PKN2: variants seen among roughly 807,000 people sequenced by gnomAD.
The protein encoded by PKN2 is serine/threonine-protein kinase N2.
A neutral mutation model predicts 119.1 loss-of-function variants in PKN2; 38 were observed. The observed-to-expected ratio is 0.32, with a 90% CI of 0.25 to 0.42. The LOEUF (loss-of-function observed/expected upper bound fraction) is 0.42. PKN2 is among the 10% of genes least tolerant of loss of function. The pLI is 1.00. For synonymous variants in PKN2, 390 were observed against 384.9 expected (o/e 1.01, Z -0.15); for missense variants, 850 against 1,165.1 (o/e 0.73, Z 3.94).
At chr1:88,819,303 T>C (rs1273385278) in intron 16 of PKN2, among the ~76,000 whole-genome samples, 4 of 151,950 alleles carry the variant, frequency 2.6e-5, no homozygotes, top group African/African-American at 7.3e-5. Context: ...ATCCAGAATC[T>C]ACAAGGAACT....
intron 1 of PKN2, among the ~76,000 whole-genome samples, chr1:88,728,497 C>T (rs1667991000): frequency 6.6e-6 from 1 of 152,106 alleles, no homozygotes; most frequent in South Asian, 2.1e-4. Flanking sequence ...TAGACATACA[C>T]TCCTGAGTGT....
At chr1:88,767,768 C>T (rs1669723298) in intron 3 of PKN2, among the ~76,000 whole-genome samples, 1 of 152,092 alleles carries the variant, frequency 6.6e-6, no homozygotes. Flanking sequence ...CATAAATATG[C>T]AATTATTTTT....
chr1:88,692,044 ATAGTT>A (rs1402050640), intron 1 of PKN2, among the ~76,000 whole-genome samples: 1 of 152,106 alleles, frequency 6.6e-6, no homozygotes, highest in Non-Finnish European at 1.5e-5. Flanking sequence ...ACTACTGTGT[ATAGTT>A]TAGTTGGACA....
At chr1:88,761,015 G>A (rs745329570) in intron 3 of PKN2, among the ~76,000 whole-genome samples, 37 of 152,264 alleles carry the variant, frequency 2.4e-4, no homozygotes, top group Non-Finnish European at 4.9e-4. Flanking sequence ...CCAATGAAAA[G>A]ATGGGACATT....
At chr1:88,714,411 T>C (rs1667364499) in intron 1 of PKN2, among the ~76,000 whole-genome samples, 2 of 152,228 alleles carry the variant, frequency 1.3e-5, no homozygotes, top group Non-Finnish European at 2.9e-5. Flanking sequence ...TTCCTATCCA[T>C]GAGCATGGAA....
At chr1:88,792,272 C>T (rs905518190) in intron 8 of PKN2, among the ~76,000 whole-genome samples, 4 of 152,082 alleles carry the variant, frequency 2.6e-5, no homozygotes, top group East Asian at 3.9e-4. Flanking sequence ...GACATAGTGG[C>T]GCATGCCTGT....
At chr1:88,737,523 C>A (rs1370919272) in intron 1 of PKN2, among the ~76,000 whole-genome samples, 2 of 152,156 alleles carry the variant, frequency 1.3e-5, no homozygotes, top group Admixed American at 1.3e-4. Flanking sequence ...CCCAGTCCTG[C>A]CACCAGGACT....
chr1:88,788,690 C>T (rs1380056443), intron 8 of PKN2, among the ~76,000 whole-genome samples: 2 of 152,102 alleles, frequency 1.3e-5, no homozygotes, highest in African/African-American at 2.4e-5. Context: ...GGTAATCCAC[C>T]CACCTCGGCC....
intron 17 of PKN2, among the ~76,000 whole-genome samples, chr1:88,822,772 T>C (rs1672348071): frequency 6.6e-6 from 1 of 151,930 alleles, no homozygotes. Context: ...ATAGATGGAG[T>C]TTCACCATGT....
chr1:88,752,265 A>G (rs1669032176), intron 2 of PKN2, among the ~76,000 whole-genome samples: 1 of 152,080 alleles, frequency 6.6e-6, no homozygotes, highest in Non-Finnish European at 1.5e-5. Flanking sequence ...TTTTGTTATT[A>G]CATTTTTTTA....
chr1:88,740,062 A>G (rs554455067), intron 1 of PKN2, among the ~76,000 whole-genome samples: 1 of 152,288 alleles, frequency 6.6e-6, no homozygotes, highest in South Asian at 2.1e-4. Context: ...CTATTTACAT[A>G]CCACTTGTAT....
At chr1:88,743,894 C>T (rs1668666539) in intron 2 of PKN2, among the ~76,000 whole-genome samples, 1 of 146,872 alleles carries the variant, frequency 6.8e-6, no homozygotes, top group Non-Finnish European at 1.5e-5. Flanking sequence ...ACTGACATTT[C>T]AGATAATTGG....
chr1:88,686,804 A>G (rs891618005), intron 1 of PKN2, among the ~76,000 whole-genome samples: 1 of 152,118 alleles, frequency 6.6e-6, no homozygotes, highest in Non-Finnish European at 1.5e-5. Flanking sequence ...GCAACCAAGT[A>G]TTTATTAAAC....
At chr1:88,828,746 A>C (rs1306785063) in intron 19 of PKN2, 123 bp downstream of exon 19, 1 of 735,456 alleles carries the variant, frequency 1.4e-6, no homozygotes, top group African/African-American at 1.8e-5. Context: ...ATAAATATTT[A>C]TAGTATACTA....
At chr1:88,808,481 T>G (rs974585558) in intron 15 of PKN2, among the ~76,000 whole-genome samples, 4 of 151,980 alleles carry the variant, frequency 2.6e-5, no homozygotes, top group Non-Finnish European at 5.9e-5. Context: ...TTTTTTTGTA[T>G]TTTTAGTAGA....
chr1:88,751,491 T>C (rs1459427794), intron 2 of PKN2, among the ~76,000 whole-genome samples: 1 of 152,120 alleles, frequency 6.6e-6, no homozygotes, highest in Non-Finnish European at 1.5e-5. Context: ...ATGATATAAC[T>C]AGTTCCCTGT....
chr1:88,728,913 T>A (rs921582434), intron 1 of PKN2, among the ~76,000 whole-genome samples: 2 of 150,982 alleles, frequency 1.3e-5, no homozygotes, highest in Non-Finnish European at 1.5e-5. Flanking sequence ...TTTTTTTTTT[T>A]AGATGGAGTT....
At chr1:88,779,185 TG>T (rs1670228532) in intron 6 of PKN2, among the ~76,000 whole-genome samples, 3 of 147,070 alleles carry the variant, frequency 2.0e-5, no homozygotes, top group Non-Finnish European at 4.5e-5. Flanking sequence ...CCCAAGGTAT[TG>T]GGAGTGAAGG....
intron 1 of PKN2, among the ~76,000 whole-genome samples, chr1:88,688,075 C>G (rs1337416986): frequency 2.5e-5 from 3 of 120,406 alleles, no homozygotes; most frequent in African/African-American, 9.6e-5. Context: ...TGTATGTTTC[C>G]CACTACACTA....
Sources: gnomAD v4.1 joint callset for allele counts (sites outside exome capture counted in the v4.1 genomes callset) on GRCh38, gnomAD v4.1.1 for gene constraint, MANE v1.5 for transcripts, NCBI Gene and HGNC (gene_info 2026-07-23, HGNC 2026-07-21) for gene names.